The following SIPA1L2 variants were observed in gnomAD, a reference collection of about 807,000 sequenced individuals.
SIPA1L2 encodes signal-induced proliferation-associated 1-like protein 2.
SIPA1L2 carries 56 observed loss-of-function variants against 163.9 expected under a neutral mutation model. The observed-to-expected ratio is 0.34, with a 90% CI of 0.28 to 0.43. The LOEUF is 0.43. Among genes scored for constraint, SIPA1L2 ranks in the 20% least tolerant of loss-of-function variants. The probability of loss-of-function intolerance (pLI) is 1.00; values close to 1 mark genes in which losing one functional copy is unlikely to be tolerated. For missense variants in SIPA1L2, 1,974 were observed against 2,193.5 expected, an observed-to-expected ratio of 0.90 and a Z score of 2.00; for synonymous variants, 877 against 865.7, an observed-to-expected ratio of 1.01 and a Z score of -0.23.
chr1:232,432,884 A>C (rs1215739939), intron 15 of SIPA1L2, among the ~76,000 whole-genome samples: 3 of 152,202 alleles, frequency 2.0e-5, no homozygotes, highest in Non-Finnish European at 4.4e-5. Flanking sequence ...AGACAGGCAA[A>C]AATGGGAATG....
At chr1:232,424,005 A>C (rs1247262619) in intron 18 of SIPA1L2, among the ~76,000 whole-genome samples, 1 of 152,212 alleles carries the variant, frequency 6.6e-6, no homozygotes, top group East Asian at 1.9e-4. Context: ...CACGCAGAGC[A>C]CAGAGGATTT....
At chr1:232,449,315 G>C (rs1196086434) in intron 10 of SIPA1L2, among the ~76,000 whole-genome samples, 1 of 151,334 alleles carries the variant, frequency 6.6e-6, no homozygotes, top group Non-Finnish European at 1.5e-5. Flanking sequence ...TCAGGAGATT[G>C]AGACCATCCT....
At chr1:232,405,835 C>T (rs1212101966) in intron 19 of SIPA1L2, among the ~76,000 whole-genome samples, 1 of 152,118 alleles carries the variant, frequency 6.6e-6, no homozygotes, top group African/African-American at 2.4e-5. Flanking sequence ...AGTCTAAATA[C>T]ATGGATGAAC....
chr1:232,519,955 A>C (rs1667388410), intron 2 of SIPA1L2, among the ~76,000 whole-genome samples: 1 of 152,200 alleles, frequency 6.6e-6, no homozygotes, highest in Admixed American at 6.5e-5. Context: ...CCTTCCCTAG[A>C]ACTTTATAAA....
At chr1:232,519,359 G>A (rs1667356425) in intron 2 of SIPA1L2, among the ~76,000 whole-genome samples, 1 of 152,218 alleles carries the variant, frequency 6.6e-6, no homozygotes, top group Admixed American at 6.5e-5. Flanking sequence ...GCGGCTGTGT[G>A]CAGAGCTCCA....
intron 5 of SIPA1L2, among the ~76,000 whole-genome samples, chr1:232,484,918 C>T (rs148134904): frequency 2.0e-5 from 3 of 152,298 alleles, no homozygotes; most frequent in Non-Finnish European, 1.5e-5. Context: ...TAAAACAGAA[C>T]CTTTAATCAA....
At position 232,558,183 on chromosome 1, in the gene SIPA1L2, C is replaced by G. The variant is rs376209825; in HGVS notation, c.-270+15991G>C. 2.8e-4 allele frequency among the ~76,000 whole-genome samples: 43 copies of G among 152,278 alleles called. 1 individual carries two copies. In the South Asian group the frequency reaches 8.5e-3, roughly 30 times the overall value. ...GATTTACACTTCAAAGAGCAAGAAG[C>G]CTCGAGGTAAGATTTGACTGTATCC... On this transcript the variant is annotated intron_variant, in intron 2 of 22. Coordinates refer to ENST00000674635, the MANE Select transcript of SIPA1L2 (RefSeq NM_020808.5).
chr1:232,403,736 GAGA>G (rs778606757), intron 20 of SIPA1L2, among the ~76,000 whole-genome samples, 165 bp from the exon 21 acceptor site: 6 of 152,188 alleles, frequency 3.9e-5, no homozygotes, highest in Non-Finnish European at 7.3e-5. Flanking sequence ...GCAAGCTTCT[GAGA>G]AGGAGAAAGC....
At position 232,415,577 on chromosome 1, in the gene SIPA1L2, G is replaced by T. The variant is rs1172601570; in HGVS notation, c.4679C>A (p.Ala1560Glu). 6.2e-7 allele frequency: 1 copy of T among 1,613,984 alleles called. No homozygotes were observed. Among genetic ancestry groups the T allele is most frequent in the African/African-American group, 1.3e-5 (1 of 75,036 alleles). Residue 1560 changes from alanine to glutamate, a missense_variant, in exon 19 of 23, where the codon GCA (alanine) becomes GAA (glutamate). This residue lies in a region of SIPA1L2 where 1,079 missense variants were observed against 1,150.7 expected (regional missense o/e 0.94). Coordinates refer to ENST00000674635, the MANE Select transcript of SIPA1L2 (RefSeq NM_020808.5). ...DGSLSDKSKC[A>E]DPGLMPLPDT... ...CGGGAGGGGCATCAGGCCAGGATCT[G>T]CGCACTTGGACTTATCTGATAAGGA...
chr1:232,463,115 G>T (rs1572936416), intron 9 of SIPA1L2, among the ~76,000 whole-genome samples: 1 of 152,226 alleles, frequency 6.6e-6, no homozygotes. Context: ...CAATGGCAGA[G>T]CATTCAACCA....
At chr1:232,607,068 GA>G (rs1472096841) in intron 1 of SIPA1L2, among the ~76,000 whole-genome samples, 1 of 152,000 alleles carries the variant, frequency 6.6e-6, no homozygotes, top group Non-Finnish European at 1.5e-5. Context: ...ATTTTTTAAA[GA>G]TTACATATAA....
chr1:232,499,672 A>G (rs999942489), intron 3 of SIPA1L2, among the ~76,000 whole-genome samples: 1 of 152,252 alleles, frequency 6.6e-6, no homozygotes, highest in African/African-American at 2.4e-5. Flanking sequence ...GTAAGACAAC[A>G]GATGACAGTG....
intron 1 of SIPA1L2, among the ~76,000 whole-genome samples, chr1:232,628,019 A>G (rs905655381): frequency 1.3e-5 from 2 of 152,248 alleles, no homozygotes; most frequent in African/African-American, 4.8e-5. Context: ...AATAAATGAT[A>G]GCTACAAAGA....
intron 2 of SIPA1L2, among the ~76,000 whole-genome samples, chr1:232,527,725 CTTTTTTTTTTTT>C (rs57868657): frequency 2.5e-5 from 2 of 80,948 alleles, no homozygotes; most frequent in Admixed American, 2.0e-4. Context: ...TCTTCTTCTT[CTTTTTTTTTTTT>C]TTTTTTTTTT....
At chr1:232,574,846 T>C (rs1659990536) in intron 1 of SIPA1L2, among the ~76,000 whole-genome samples, 2 of 152,210 alleles carry the variant, frequency 1.3e-5, no homozygotes, top group Non-Finnish European at 1.5e-5. Flanking sequence ...CAGTGCTACG[T>C]ACTAGACACT....
At chr1:232,589,518 C>T (rs1225721151) in intron 1 of SIPA1L2, among the ~76,000 whole-genome samples, 2 of 152,184 alleles carry the variant, frequency 1.3e-5, no homozygotes, top group African/African-American at 2.4e-5. Context: ...ATTCTTTTTT[C>T]CAATCTCACT....
rs535136786 is a variant in SIPA1L2, at chr1:232,428,394, C to T, written c.4410+17G>A. ...TTTAGTGTTTCTGGTAACTTCAAAG[C>T]TCCCTAAGTCACTAACCTTTCTTCG... On this transcript the variant is annotated intron_variant, in intron 17 of 22. Transcript: ENST00000674635. 1.1e-5 allele frequency: 15 copies of T among 1,325,924 alleles called. No individual in the cohort carries two copies. In the East Asian group the frequency reaches 3.6e-4, roughly 32 times the overall value. The allele number at this position is 1,325,924 out of a possible 1,614,324, so 82.1% of individuals were successfully genotyped here.
At chr1:232,625,016 C>T (rs1663001126) in intron 1 of SIPA1L2, among the ~76,000 whole-genome samples, 1 of 152,188 alleles carries the variant, frequency 6.6e-6, no homozygotes, top group Admixed American at 6.5e-5. Context: ...TCATTTAACA[C>T]ATTTTCTTAA....
At chr1:232,448,624 T>C (rs955515312) in intron 10 of SIPA1L2, among the ~76,000 whole-genome samples, 1 of 152,194 alleles carries the variant, frequency 6.6e-6, no homozygotes, top group Non-Finnish European at 1.5e-5. Context: ...AGAAAGGTTA[T>C]GGCTCAGCAG....
Sources: gnomAD v4.1 joint callset for allele counts (sites outside exome capture counted in the v4.1 genomes callset) on GRCh38, gnomAD v4.1.1 for gene constraint, gnomAD v4.1.1 regional missense constraint, MANE v1.5 for transcripts, NCBI Gene and HGNC (gene_info 2026-07-23, HGNC 2026-07-21) for gene names.